RTN4: variants seen among roughly 807,000 people sequenced by gnomAD.
RTN4 encodes reticulon-4.
A neutral mutation model predicts 90.4 loss-of-function variants in RTN4; 32 were observed. The ratio of observed to expected loss-of-function variants is 0.35; its 90% CI spans 0.27 to 0.48. The LOEUF (loss-of-function observed/expected upper bound fraction) is 0.48. Among genes scored for constraint, RTN4 ranks in the 20% least tolerant of loss-of-function variants. The pLI, the probability that RTN4 is intolerant of heterozygous loss-of-function variation, is 0.99. For missense variants in RTN4, 1,706 were observed against 1,430.2 expected (o/e 1.19, Z -3.11); for synonymous variants, 629 against 552.5 (o/e 1.14, Z -1.94).
chr2:55,063,865 G>A (rs1171622828), intron 2 of RTN4, among the ~76,000 whole-genome samples: 3 of 151,580 alleles, frequency 2.0e-5, no homozygotes, highest in Admixed American at 6.6e-5. Context: ...GGGCAACAGG[G>A]GGAGACAGTC....
At chr2:55,094,936 A>G (rs534597679) in intron 1 of RTN4, among the ~76,000 whole-genome samples, 2 of 152,312 alleles carry the variant, frequency 1.3e-5, no homozygotes, top group East Asian at 3.9e-4. Flanking sequence ...TGAAATAACC[A>G]TGGTTTCCGA....
intron 1 of RTN4, among the ~76,000 whole-genome samples, chr2:55,040,444 A>G (rs1485590004): frequency 6.6e-6 from 1 of 152,142 alleles, no homozygotes; most frequent in Non-Finnish European, 1.5e-5. Flanking sequence ...AAAAAGTTGT[A>G]ACACTTTTAG....
At chr2:55,033,735 T>C (rs1027910108) in intron 1 of RTN4, among the ~76,000 whole-genome samples, 2 of 152,238 alleles carry the variant, frequency 1.3e-5, no homozygotes, top group African/African-American at 2.4e-5. Context: ...TTAAATAAGA[T>C]GTCTTTATTT....
At chr2:55,055,634 G>A (rs972583812), upstream of RTN4, among the ~76,000 whole-genome samples, 11 of 152,040 alleles carry the variant, frequency 7.2e-5, no homozygotes, top group Admixed American at 5.9e-4. Context: ...GCCAGGCGTG[G>A]TGGCGGGCGC....
chr2:54,988,502 T>C lies in RTN4; in HGVS notation c.3014-804A>G, dbSNP rs147281670. Among the ~76,000 whole-genome samples, 248 of 152,306 alleles carry C rather than the reference T, an allele frequency of 1.6e-3. 1 individual carries two copies. The highest frequency in any genetic ancestry group is 6.8e-3 in the Middle Eastern group (2 of 294). On this transcript the variant is annotated intron_variant, in intron 3 of 8. Transcript: ENST00000337526. ...GGCCGAGATACAAAAACTACACATA[T>C]GAATGAGCTTTTTTTCTTATTTGAT...
intron 2 of RTN4, among the ~76,000 whole-genome samples, chr2:55,073,845 A>G (rs1467359155): frequency 1.3e-5 from 2 of 152,150 alleles, no homozygotes; most frequent in Non-Finnish European, 2.9e-5. Flanking sequence ...ACTTATCCAG[A>G]CCACTCGTTG....
At chr2:55,097,094 C>T (rs936270328) in intron 1 of RTN4, among the ~76,000 whole-genome samples, 4 of 151,572 alleles carry the variant, frequency 2.6e-5, no homozygotes, top group Non-Finnish European at 5.9e-5. Flanking sequence ...ACCAAGCAGA[C>T]AAGAGGCCAA....
chr2:55,077,190 T>G (rs1023550180), intron 2 of RTN4, among the ~76,000 whole-genome samples: 1 of 152,032 alleles, frequency 6.6e-6, no homozygotes, highest in South Asian at 2.1e-4. Flanking sequence ...TTTTTTTGTA[T>G]TTTTAATAGA....
intron 1 of RTN4, among the ~76,000 whole-genome samples, chr2:55,036,049 T>C (rs1214077360): frequency 6.6e-6 from 1 of 152,084 alleles, no homozygotes; most frequent in Non-Finnish European, 1.5e-5. Flanking sequence ...AGTACCAACC[T>C]TACACAAACT....
At chr2:55,047,923 G>A (rs1452938835) in intron 1 of RTN4, among the ~76,000 whole-genome samples, 1 of 152,196 alleles carries the variant, frequency 6.6e-6, no homozygotes, top group African/African-American at 2.4e-5. Context: ...ACATAGTCAT[G>A]CCTCGCTGAA....
At chr2:55,089,542 C>T (rs574359826) in intron 1 of RTN4, among the ~76,000 whole-genome samples, 6 of 152,344 alleles carry the variant, frequency 3.9e-5, no homozygotes, top group South Asian at 4.1e-4. Flanking sequence ...TTATCAATTA[C>T]GGAAAAATCT....
rs926588319 is a variant in RTN4 at position 55,030,439 on chromosome 2, T to G, written c.557-2219A>C. Among the ~76,000 whole-genome samples the G allele has an allele frequency of 3.2e-4, 48 of 152,218 alleles. 1 individual carries two copies. Among genetic ancestry groups the G allele is most frequent in the African/African-American group, 1.2e-3 (48 of 41,462 alleles). On this transcript the variant is annotated intron_variant, in intron 1 of 8. Coordinates refer to ENST00000337526, the MANE Select transcript of RTN4 (RefSeq NM_020532.5). ...AAATCCAGAATAGTTAACTATCTTC[T>G]GGGACTTCAAGAATACAGTTCAGAC...
upstream of RTN4, chr2:55,050,545 G>A (rs199823391): frequency 8.7e-6 from 3 of 345,780 alleles, no homozygotes; most frequent in East Asian, 4.3e-5. The surrounding 1 kb of genome is among the most constrained non-coding windows in gnomAD (Gnocchi z 4.6). Context: ...TGAGGCCAGC[G>A]GACTCTCCGC....
intron 3 of RTN4, among the ~76,000 whole-genome samples, chr2:55,022,699 C>A (rs1415884506): frequency 6.6e-6 from 1 of 152,068 alleles, no homozygotes; most frequent in Non-Finnish European, 1.5e-5. Flanking sequence ...TCCTCTCCAC[C>A]CCTAGTCCTG....
chr2:54,973,293 C>A (rs1677287112), intron 8 of RTN4, 95 bp from the exon 9 acceptor site: 1 of 1,140,982 alleles, frequency 8.8e-7, no homozygotes, highest in Non-Finnish European at 1.3e-6. Flanking sequence ...TCAGCTAATA[C>A]AATAAATGAA....
the RTN4 span, among the ~76,000 whole-genome samples, chr2:55,137,723 T>C: frequency 6.6e-6 from 1 of 151,934 alleles, no homozygotes; most frequent in Admixed American, 6.6e-5. Flanking sequence ...CCCATGGCGC[T>C]CTCTCCACCT....
Position 55,027,379 on chromosome 2 carries a change from A to T in RTN4, c.720T>A (p.Pro240=). 1 of 1,613,720 alleles carries T rather than the reference A, an allele frequency of 6.2e-7. No individual in the cohort carries two copies. Among genetic ancestry groups the T allele is most frequent in the East Asian group, 2.2e-5 (1 of 44,874 alleles). The change falls in exon 3 of 9, where the codon CCT becomes CCA. Residue 240 remains proline, a synonymous_variant. Transcript: ENST00000337526. ...GTTCTTTGAAAGAAGCGGCTGAGAG[A>T]GGAGACAGAGAAGGAAGAGAAGCAG... ...ETAASLPSLS[P]LSAASFKEHE...
rs116232435 is a variant in RTN4 at position 55,056,819 on chromosome 2, T to G, written c.-63+23670A>C. Among the ~76,000 whole-genome samples, 688 of 152,328 alleles carry G rather than the reference T, an allele frequency of 4.5e-3. 5 individuals are homozygous for G. The highest frequency in any genetic ancestry group is 0.016 in the African/African-American group (661 of 41,576). On this transcript the variant is annotated intron_variant, in intron 2 of 3. Transcript: ENST00000427710. ...CACAACTCAGGATGCCCACTCTGTT[T>G]ATTAAAGCAGAGTAAAAAACACAGG...
chr2:55,026,005 T>C lies in RTN4; in HGVS notation c.2094A>G (p.Ala698=), dbSNP rs199830409. 6.2e-6 allele frequency: 10 copies of C among 1,612,682 alleles called. No individual in the cohort carries two copies. Among genetic ancestry groups the C allele is most frequent in the African/African-American group, 4.0e-5 (3 of 74,850 alleles). ...GCTTTGTTTCTTTAATTAAATCACA[T>C]GCAATAGATATATAAGGAGCTTCTG... ...QETEAPYISI[A]CDLIKETKLS... The change falls in exon 3 of 9, where the codon GCA becomes GCG. Residue 698 remains alanine, a synonymous_variant. Transcript: ENST00000337526.
Sources: gnomAD v4.1 joint callset for allele counts (sites outside exome capture counted in the v4.1 genomes callset) on GRCh38, gnomAD v4.1.1 for gene constraint, Gnocchi (gnomAD v3.1) non-coding constraint, MANE v1.5 for transcripts, NCBI Gene and HGNC (gene_info 2026-07-23, HGNC 2026-07-21) for gene names.